ACSM3: variants seen among roughly 807,000 people sequenced by gnomAD.
ACSM3 encodes the protein acyl-CoA synthetase medium chain family member 3.
Under a neutral mutation model 74.1 loss-of-function variants are expected in ACSM3, and 61 were observed. The ratio of observed to expected loss-of-function variants is 0.82; its 90% CI spans 0.67 to 1.02. The LOEUF (loss-of-function observed/expected upper bound fraction) is 1.02, where lower values mean the gene tolerates loss of function less well. ACSM3 is among the 50% of genes least tolerant of loss of function. ACSM3 has a pLI of 0.00. For synonymous variants in ACSM3, 213 were observed against 241.5 expected, an observed-to-expected ratio of 0.88 and a Z score of 1.09; for missense variants, 660 against 697.0, an observed-to-expected ratio of 0.95 and a Z score of 0.60.
chr16:20,780,062 GC>G (rs1279085319), intron 4 of ACSM3: 1 of 155,408 alleles, frequency 6.4e-6, no homozygotes, highest in Non-Finnish European at 1.4e-5. Context: ...ACCATGCCCA[GC>G]CTCAGCAAAC....
chr16:20,750,846 T>TTTTTTTTG (rs1376226573), intron 2 of ACSM3, among the ~76,000 whole-genome samples: 3 of 142,440 alleles, frequency 2.1e-5, no homozygotes, highest in African/African-American at 7.7e-5. Flanking sequence ...GGAGTCAGGT[T>TTTTTTTTG]TTTTTTTTTT....
intron 1 of ACSM3, chr16:20,733,613 G>A (rs1158823045): frequency 6.6e-6 from 1 of 151,706 alleles, no homozygotes; most frequent in East Asian, 1.9e-4. Flanking sequence ...ATACTATAAA[G>A]CAAGAGATTT....
At chr16:20,738,880 G>A in intron 1 of ACSM3, 1 of 1,612,366 alleles carries the variant, frequency 6.2e-7, no homozygotes, top group Non-Finnish European at 8.5e-7. Flanking sequence ...GATAATCTTA[G>A]CAAGTATTTG....
intron 12 of ACSM3, among the ~76,000 whole-genome samples, chr16:20,793,509 T>G (rs933063410): frequency 2.0e-5 from 3 of 151,870 alleles, no homozygotes; most frequent in African/African-American, 7.3e-5. Context: ...AAGGTAAAAA[T>G]AGGAGATGTG....
chr16:20,696,553 A>C (rs1008308450), intron 1 of ACSM3, among the ~76,000 whole-genome samples: 1 of 152,234 alleles, frequency 6.6e-6, no homozygotes, highest in Non-Finnish European at 1.5e-5. Flanking sequence ...TGTACCATGT[A>C]CAGTTTTAGA....
intron 1 of ACSM3, among the ~76,000 whole-genome samples, chr16:20,726,407 A>G (rs1013950): frequency 0.43 from 64,915 of 152,124 alleles, 16,398 homozygotes; most frequent in Non-Finnish European, 0.58. Context: ...CCAAGAGGGA[A>G]AGTGCTATGC....
chr16:20,679,530 G>A lies in ACSM3; in HGVS notation c.-190+4708G>A, dbSNP rs185992530. ...TACTGCAAATGCTGCAAATGTCCAT[G>A]CCCAGAGGAAGGTTTGCCATTCCTA... is the stretch of plus-strand genomic sequence containing the variant. On this transcript the variant is annotated intron_variant, in intron 1 of 3. Coordinates refer to the ACSM3 transcript ENST00000561584. 4 of 152,306 alleles carry A rather than the reference G, an allele frequency of 2.6e-5. No homozygotes were observed. The East Asian group carries it at 7.7e-4, about 29-fold the overall frequency. 9.4% of individuals were successfully genotyped at this position (152,306 alleles called of 1,614,324 possible). A position where few individuals can be genotyped will look rare whatever the true frequency, so the allele number is the denominator to read the frequency against.
chr16:20,731,734 A>G, intron 1 of ACSM3: 1 of 364,252 alleles, frequency 2.7e-6, no homozygotes. Context: ...ACAAATATCC[A>G]AGAAAGTAAG....
chr16:20,682,561 A>G (rs2079469952), intron 1 of ACSM3: 1 of 916,800 alleles, frequency 1.1e-6, no homozygotes, highest in South Asian at 1.5e-5. Context: ...ACTTCTTGTT[A>G]TGTAAAGTAC....
intron 2 of ACSM3, among the ~76,000 whole-genome samples, chr16:20,752,208 C>G (rs2079994260): frequency 6.6e-6 from 1 of 151,952 alleles, no homozygotes; most frequent in African/African-American, 2.4e-5. Context: ...AAAAAGTGGT[C>G]ATTCTCTTCT....
intron 1 of ACSM3, among the ~76,000 whole-genome samples, chr16:20,704,486 C>A (rs2079721571): frequency 1.3e-5 from 2 of 152,142 alleles, no homozygotes; most frequent in African/African-American, 4.8e-5. Context: ...AACACACAGG[C>A]CCTTGTAAAT....
intron 1 of ACSM3, chr16:20,737,222 T>C (rs925784946): frequency 9.9e-6 from 16 of 1,614,098 alleles, no homozygotes; most frequent in African/African-American, 6.7e-5. Context: ...TGATTTCTAC[T>C]ACCACTGTGT....
At chr16:20,736,506 A>G in intron 1 of ACSM3, 1 of 188,460 alleles carries the variant, frequency 5.3e-6, no homozygotes, top group Non-Finnish European at 1.1e-5. Context: ...GCAGGCAGAC[A>G]GCTGAGCTGT....
At position 20,689,476 on chromosome 16, in the gene ACSM3, G is replaced by A. The variant is rs376452407; in HGVS notation, c.-190+14654G>A. Among the ~76,000 whole-genome samples, 33 of 152,038 alleles carry A rather than the reference G, an allele frequency of 2.2e-4. No individual in the cohort carries two copies. In the East Asian group the frequency reaches 6.4e-3, roughly 29 times the overall value. The stretch of plus-strand genomic sequence containing the variant: ...TTGCCTGTCAGTAGTTACTTTAAAT[G>A]TAAGTGGACTAAACTCCCCAGTCAA... On this transcript the variant is annotated intron_variant, in intron 1 of 3. Transcript: ENST00000561584.
chr16:20,727,789 G>A (rs953660308), intron 1 of ACSM3, among the ~76,000 whole-genome samples: 2 of 152,156 alleles, frequency 1.3e-5, no homozygotes, highest in Non-Finnish European at 2.9e-5. Flanking sequence ...CCTCTGTGGG[G>A]AATTTATTCC....
chr16:20,688,782 G>A (rs2152330868), intron 1 of ACSM3, among the ~76,000 whole-genome samples: 1 of 152,018 alleles, frequency 6.6e-6, no homozygotes, highest in Non-Finnish European at 1.5e-5. Flanking sequence ...AGTCCTCAAG[G>A]TGAAATAAAA....
intron 1 of ACSM3, chr16:20,679,472 A>C (rs1416424673): frequency 6.6e-6 from 1 of 152,236 alleles, no homozygotes; most frequent in Non-Finnish European, 1.5e-5. Context: ...AAAATTTATA[A>C]GCCTAGTTAT....
chr16:20,742,112 A>G, intron 1 of ACSM3: 1 of 1,196,748 alleles, frequency 8.4e-7, no homozygotes, highest in Non-Finnish European at 1.1e-6. Context: ...TCTGCCAGCT[A>G]CTGTGGAGGA....
chr16:20,757,635 C>T (rs889004474), intron 3 of ACSM3, among the ~76,000 whole-genome samples: 9 of 148,492 alleles, frequency 6.1e-5, no homozygotes, highest in Admixed American at 2.7e-4. Context: ...ATTTCCTTCT[C>T]CTGCCTAATT....
Sources: allele counts gnomAD v4.1 joint callset (sites outside exome capture counted in the v4.1 genomes callset), GRCh38; gene constraint gnomAD v4.1.1; transcripts MANE v1.5; gene names NCBI Gene and HGNC (gene_info 2026-07-23, HGNC 2026-07-21).